The following ABCG5 variants were observed in gnomAD, a reference collection of about 807,000 sequenced individuals.
The protein encoded by ABCG5 is ATP-binding cassette sub-family G member 5.
Under a neutral mutation model 64.5 loss-of-function variants are expected in ABCG5, and 64 were observed. The ratio of observed to expected loss-of-function variants is 0.99; its 90% CI spans 0.81 to 1.22. The LOEUF (loss-of-function observed/expected upper bound fraction) is 1.22, where lower values mean the gene tolerates loss of function less well. Ranked by LOEUF, ABCG5 falls within the 50% of genes most tolerant of loss-of-function variation. The pLI, the probability that ABCG5 is intolerant of heterozygous loss-of-function variation, is 0.00. For missense variants in ABCG5, 908 were observed against 829.5 expected (o/e 1.09, Z -1.16); for synonymous variants, 385 against 326.3 (o/e 1.18, Z -1.94).
intron 11 of ABCG5, among the ~76,000 whole-genome samples, chr2:43,817,005 C>G (rs1407782359): frequency 1.3e-5 from 2 of 152,180 alleles, no homozygotes; most frequent in African/African-American, 2.4e-5. Context: ...TTAGGCAGTT[C>G]ACCCAGAAAG....
At chr2:43,839,116 G>C (rs574659773), upstream of ABCG5, 2 of 1,551,060 alleles carry the variant, frequency 1.3e-6, no homozygotes, top group African/African-American at 2.7e-5. Flanking sequence ...AGGATACCTC[G>C]GTGAGTGAGC....
intron 11 of ABCG5, among the ~76,000 whole-genome samples, chr2:43,815,342 T>G (rs773408078): frequency 6.6e-6 from 1 of 152,198 alleles, no homozygotes. Context: ...GCTTGAGAAC[T>G]TCAAAAGATG....
At position 43,837,687 on chromosome 2, in the gene ABCG5, T is replaced by C. The variant is rs962081450; in HGVS notation, c.265+147A>G. ...AAGGATCTTTCTAAAGATTTCACAT[T>C]GGTAGCAGTTCCATTCACAGTCAGA... On this transcript the variant is annotated intron_variant, in intron 2 of 12. Coordinates refer to ENST00000405322, the MANE Select transcript of ABCG5 (RefSeq NM_022436.3). 3.8e-6 allele frequency: 4 copies of C among 1,054,260 alleles called. No homozygotes were observed. The Admixed American group carries it at 7.2e-5, about 19-fold the overall frequency. 65.3% of individuals were successfully genotyped at this position (1,054,260 alleles called of 1,614,324 possible). A position where few individuals can be genotyped will look rare whatever the true frequency, so the allele number is the denominator to read the frequency against.
rs1333786970 is a variant in ABCG5, at chr2:43,823,977, T to C, written c.1260A>G (p.Val420=). 1.1e-5 allele frequency: 18 copies of C among 1,614,220 alleles called. No homozygotes were observed. The highest frequency in any genetic ancestry group is 1.5e-5 in the Non-Finnish European group (18 of 1,180,034). The change falls in exon 9 of 13, where the codon GTA becomes GTG. Residue 420 remains valine (V), a synonymous_variant. Coordinates refer to ENST00000405322, the MANE Select transcript of ABCG5 (RefSeq NM_022436.3). ...CGCCCACAAACTGGTAAAGGAGACC[T>C]ACGCGGTCCTGGATAGCACCCTTTA... ...NVLKGAIQDR[V]GLLYQFVGAT...
Position 43,820,039 on chromosome 2 carries a change from G to T in ABCG5, c.1525C>A (p.Pro509Thr). 1 of 1,614,142 alleles carries T rather than the reference G, an allele frequency of 6.2e-7. No homozygotes were observed. The highest frequency in any genetic ancestry group is 8.5e-7 in the Non-Finnish European group (1 of 1,180,038). ...FGYFSAALLA[P>T]HLIGEFLTLV... ...GTTAGAAATTCACCAATTAAGTGGG[G>T]GGCCAAGAGAGCAGCAGAAAAATAT... Residue 509 changes from proline (P) to threonine (T), a missense_variant, in exon 11 of 13, where the codon CCC (proline) becomes ACC (threonine). Pro to Thr is a conservative substitution (Grantham distance 38, BLOSUM62 -1). Coordinates refer to ENST00000405322, the MANE Select transcript of ABCG5 (RefSeq NM_022436.3).
chr2:43,832,061 C>T lies in ABCG5; in HGVS notation c.288G>A (p.Leu96=). Residue 96 remains leucine (L), a synonymous_variant, in exon 3 of 13, where the codon CTG becomes CTA. Coordinates refer to ENST00000405322, the MANE Select transcript of ABCG5 (RefSeq NM_022436.3). ...GSSGSGKTTL[L]DAMSGRLGRA... ...GCCCCAGCCTCCCGGACATGGCGTC[C>T]AGCAGCGTGGTTTTCCCGGAGCCTG... 1 of 1,583,328 alleles carries T rather than the reference C, an allele frequency of 6.3e-7. No homozygotes were observed. Among genetic ancestry groups the T allele is most frequent in the South Asian group, 1.2e-5 (1 of 86,216 alleles).
chr2:43,814,833 T>A (rs1411620810), intron 11 of ABCG5, among the ~76,000 whole-genome samples: 1 of 152,230 alleles, frequency 6.6e-6, no homozygotes, highest in Non-Finnish European at 1.5e-5. Flanking sequence ...TTAAAAGTTT[T>A]ATATAAATGG....
At chr2:43,838,850 T>A, upstream of ABCG5, 1 of 1,319,210 alleles carries the variant, frequency 7.6e-7, no homozygotes, top group East Asian at 2.5e-5. The surrounding 1 kb of genome is among the most constrained non-coding windows in gnomAD (Gnocchi z 4.2). Flanking sequence ...GATGTACCTT[T>A]AGCCAGCGCG....
intron 2 of ABCG5, among the ~76,000 whole-genome samples, chr2:43,835,198 A>G (rs1668188472): frequency 6.6e-6 from 1 of 150,700 alleles, no homozygotes; most frequent in South Asian, 2.1e-4. Context: ...CCCAATCAAG[A>G]GCCCCTCCTG....
At chr2:43,817,866 C>T (rs112686079) in intron 11 of ABCG5, among the ~76,000 whole-genome samples, 17,751 of 150,778 alleles carry the variant, frequency 0.12, 1,351 homozygotes, top group Middle Eastern at 0.26. Flanking sequence ...GCCGAGATCG[C>T]GCCACTGCAT....
chr2:43,814,746 A>G (rs1464418269), intron 11 of ABCG5, among the ~76,000 whole-genome samples, 157 bp from the exon 12 acceptor site: 1 of 152,212 alleles, frequency 6.6e-6, no homozygotes, highest in Non-Finnish European at 1.5e-5. Context: ...TTCAAACAAC[A>G]TTGAACAATA....
At chr2:43,837,732 A>C (rs1668369125) in intron 2 of ABCG5, 102 bp downstream of exon 2, 2 of 1,482,786 alleles carry the variant, frequency 1.3e-6, no homozygotes, top group African/African-American at 1.4e-5. Flanking sequence ...AATTCATTCT[A>C]ATATCAAACC....
chr2:43,826,310 A>G (rs1028131270), intron 6 of ABCG5, 72 bp downstream of exon 6: 22 of 1,608,398 alleles, frequency 1.4e-5, no homozygotes, highest in Non-Finnish European at 1.8e-5. Flanking sequence ...ACTGGTACAA[A>G]TCTTGCCCCT....
At chr2:43,830,267 G>A (rs1667881855) in intron 4 of ABCG5, among the ~76,000 whole-genome samples, 1 of 152,242 alleles carries the variant, frequency 6.6e-6, no homozygotes, top group Admixed American at 6.5e-5. Flanking sequence ...CTATTGGGAT[G>A]AGCAAGTCCA....
intron 2 of ABCG5, among the ~76,000 whole-genome samples, chr2:43,837,522 C>A (rs778544952): frequency 6.6e-6 from 1 of 152,124 alleles, no homozygotes; most frequent in Non-Finnish European, 1.5e-5. Context: ...CTTATTTAAT[C>A]CTTTTCCTGT....
intron 4 of ABCG5, 168 bp from the exon 5 acceptor site, chr2:43,828,283 A>G (rs1667744960): frequency 6.7e-6 from 6 of 897,154 alleles, no homozygotes; most frequent in Non-Finnish European, 8.7e-6. Flanking sequence ...AATATGATCC[A>G]ATTCGGCTTA....
chr2:43,826,831 G>C (rs1192060476), intron 5 of ABCG5, among the ~76,000 whole-genome samples: 1 of 152,194 alleles, frequency 6.6e-6, no homozygotes. Context: ...AGGGCTGGCA[G>C]GCTGGCATCA....
At chr2:43,819,034 C>T (rs545290771) in intron 11 of ABCG5, among the ~76,000 whole-genome samples, 20 of 152,252 alleles carry the variant, frequency 1.3e-4, no homozygotes, top group Admixed American at 7.2e-4. Context: ...GCTTCATTTT[C>T]TTATCTGAAA....
downstream of ABCG5, chr2:43,809,668 T>C: frequency 6.6e-7 from 1 of 1,514,568 alleles, no homozygotes; most frequent in Non-Finnish European, 9.1e-7. Flanking sequence ...ATTAGTAAAG[T>C]TGATTTTTCT....
Sources: gnomAD v4.1 joint callset for allele counts (sites outside exome capture counted in the v4.1 genomes callset) on GRCh38, gnomAD v4.1.1 for gene constraint, Gnocchi (gnomAD v3.1) non-coding constraint, MANE v1.5 for transcripts, NCBI Gene and HGNC (gene_info 2026-07-23, HGNC 2026-07-21) for gene names.